Variants in GNAQ observed in about 807,000 individuals in gnomAD.
GNAQ encodes the protein guanine nucleotide-binding protein G(q) subunit alpha.
A neutral mutation model predicts 43.9 loss-of-function variants in GNAQ; 8 were observed. The observed-to-expected ratio is 0.18, with a 90% CI of 0.11 to 0.33. The LOEUF (loss-of-function observed/expected upper bound fraction) is 0.33. Ranked by LOEUF, GNAQ falls within the 10% of genes least tolerant of loss-of-function variation. The pLI is 1.00. For missense variants in GNAQ, 158 were observed against 450.8 expected (o/e 0.35, Z 5.88); for synonymous variants, 155 against 170.7 (o/e 0.91, Z 0.71).
intron 1 of GNAQ, among the ~76,000 whole-genome samples, chr9:77,935,939 GA>G (rs1829224838): frequency 6.6e-6 from 1 of 152,160 alleles, no homozygotes; most frequent in Non-Finnish European, 1.5e-5. Flanking sequence ...ATTGCACATG[GA>G]AATATGCCTT....
intron 1 of GNAQ, among the ~76,000 whole-genome samples, chr9:77,946,496 G>A (rs1022463050): frequency 5.9e-5 from 9 of 152,070 alleles, no homozygotes; most frequent in Non-Finnish European, 1.2e-4. Context: ...AGCACATTAC[G>A]TCTTAGCACT....
rs1379653849 is a variant in GNAQ at position 77,717,394 on chromosome 9, G to A, written c.*3929C>T. The A allele has an allele frequency of 1.7e-5, 4 of 232,000 alleles. No homozygotes were observed. Among genetic ancestry groups the A allele is most frequent in the East Asian group, 6.1e-5 (1 of 16,364 alleles). The allele number at this position is 232,000 out of a possible 1,614,324, so 14.4% of individuals were successfully genotyped here. A position where few individuals can be genotyped will look rare whatever the true frequency, so the allele number is the denominator to read the frequency against. On this transcript the variant is annotated 3_prime_UTR_variant, in exon 7 of 7. Coordinates refer to ENST00000286548, the MANE Select transcript of GNAQ (RefSeq NM_002072.5). ...CATTCTGCTATATTTCATTTCATTC[G>A]TTTTGAGAAACTGAAAACAAAGGGA...
chr9:77,753,842 A>AT (rs755757848), intron 5 of GNAQ, among the ~76,000 whole-genome samples: 3 of 96,266 alleles, frequency 3.1e-5, no homozygotes, highest in Non-Finnish European at 9.2e-5. Flanking sequence ...ACTTGAATTA[A>AT]TTAAAAAGCT....
chr9:77,993,137 T>C (rs1823529202), intron 1 of GNAQ, among the ~76,000 whole-genome samples: 1 of 152,194 alleles, frequency 6.6e-6, no homozygotes. Context: ...TTAAATTCAG[T>C]GCAAGTCAAC....
chr9:77,846,010 A>G (rs916176082), intron 2 of GNAQ, among the ~76,000 whole-genome samples: 7 of 152,200 alleles, frequency 4.6e-5, no homozygotes, highest in Admixed American at 3.9e-4. Flanking sequence ...TGAGCACTGC[A>G]TTCATGTGTA....
intron 1 of GNAQ, among the ~76,000 whole-genome samples, chr9:77,952,420 C>T (rs1234673059): frequency 6.6e-6 from 1 of 152,102 alleles, no homozygotes; most frequent in Non-Finnish European, 1.5e-5. Flanking sequence ...TATCTTCCAA[C>T]TTTTAGTCAT....
chr9:77,924,037 TA>T (rs919142735), intron 1 of GNAQ, among the ~76,000 whole-genome samples: 7 of 152,190 alleles, frequency 4.6e-5, no homozygotes, highest in Non-Finnish European at 1.0e-4. Flanking sequence ...CAATGAAAGG[TA>T]TTTCTAGCCA....
intron 1 of GNAQ, among the ~76,000 whole-genome samples, chr9:77,969,990 G>A (rs752779510): frequency 5.3e-5 from 8 of 152,076 alleles, no homozygotes; most frequent in South Asian, 2.1e-4. Flanking sequence ...AGGCAGAGGC[G>A]GGCAGATCAC....
chr9:77,886,303 A>G (rs1188454233), intron 2 of GNAQ, among the ~76,000 whole-genome samples: 2 of 148,712 alleles, frequency 1.3e-5, no homozygotes, highest in East Asian at 3.9e-4. Context: ...AAAATTAAAC[A>G]AATCTGGAGA....
At chr9:77,804,720 T>C (rs918050966) in intron 3 of GNAQ, among the ~76,000 whole-genome samples, 2 of 152,172 alleles carry the variant, frequency 1.3e-5, no homozygotes, top group African/African-American at 4.8e-5. Flanking sequence ...GGGGAGCTCT[T>C]TGACCCCTAT....
intron 2 of GNAQ, among the ~76,000 whole-genome samples, chr9:77,893,783 C>A (rs1323604452): frequency 6.6e-6 from 1 of 152,116 alleles, no homozygotes; most frequent in East Asian, 1.9e-4. Context: ...TTTATGGATT[C>A]TTGTCTATTT....
chr9:77,722,655 T>C (rs1427484323), intron 6 of GNAQ, among the ~76,000 whole-genome samples: 3 of 6,918 alleles, frequency 4.3e-4, no homozygotes, highest in Non-Finnish European at 8.1e-4. Flanking sequence ...TCTAAGGACT[T>C]TTTTTTTTTT....
intron 2 of GNAQ, among the ~76,000 whole-genome samples, chr9:77,842,736 T>C (rs984577794): frequency 1.3e-5 from 2 of 152,086 alleles, no homozygotes; most frequent in Non-Finnish European, 2.9e-5. Context: ...CCTCCAGGCA[T>C]ATGGCCCAAC....
chr9:77,765,496 G>A (rs991398090), intron 5 of GNAQ, among the ~76,000 whole-genome samples: 2 of 152,126 alleles, frequency 1.3e-5, no homozygotes, highest in Admixed American at 1.3e-4. Context: ...TTATATAAAC[G>A]GCCAACGAAC....
chr9:78,007,007 G>A (rs182024353), intron 1 of GNAQ, among the ~76,000 whole-genome samples: 1 of 152,150 alleles, frequency 6.6e-6, no homozygotes, highest in African/African-American at 2.4e-5. Context: ...CTTAGCCAAT[G>A]CAAGTTCTTC....
chr9:77,935,215 C>G (rs1829213307), intron 1 of GNAQ, among the ~76,000 whole-genome samples: 1 of 152,078 alleles, frequency 6.6e-6, no homozygotes. Flanking sequence ...TACAAGCAAG[C>G]CAAACCTCTG....
chr9:77,773,660 T>C (rs942760331), intron 5 of GNAQ, among the ~76,000 whole-genome samples: 9 of 152,238 alleles, frequency 5.9e-5, no homozygotes, highest in Admixed American at 3.3e-4. Context: ...TTTTTTCTTG[T>C]TCCCATTTTA....
rs1174496753 is a variant in GNAQ, at chr9:77,880,159, C to G, written c.321+42002G>C. 2.0e-5 allele frequency among the ~76,000 whole-genome samples: 3 copies of G among 152,244 alleles called. No individual in the cohort carries two copies. In the East Asian group the frequency reaches 5.8e-4, roughly 29 times the overall value. On this transcript the variant is annotated intron_variant, in intron 2 of 6. Coordinates refer to ENST00000286548, the MANE Select transcript of GNAQ (RefSeq NM_002072.5). ...GCAATACCGTGGCCCCAGGAGGGAC[C>G]TGCTGTGAGAAGCAGCTGAACTGTT... is the stretch of plus-strand genomic sequence containing the variant.
intron 2 of GNAQ, among the ~76,000 whole-genome samples, chr9:77,892,919 T>C (rs561097838): frequency 3.5e-4 from 53 of 152,290 alleles, no homozygotes; most frequent in Admixed American, 7.8e-4. Context: ...TAAGAAACAA[T>C]GGGTGGAATA....
Sources: allele counts gnomAD v4.1 joint callset (sites outside exome capture counted in the v4.1 genomes callset), GRCh38; gene constraint gnomAD v4.1.1; transcripts MANE v1.5; gene names NCBI Gene and HGNC (gene_info 2026-07-23, HGNC 2026-07-21).